DMD: variants seen among roughly 807,000 people sequenced by gnomAD.
DMD encodes dystrophin.
A neutral mutation model predicts 330.1 loss-of-function variants in DMD; 63 were observed. The observed-to-expected ratio is 0.19, with a 90% CI of 0.16 to 0.24. DMD has a LOEUF of 0.24. Among genes scored for constraint, DMD ranks in the 10% least tolerant of loss-of-function variants. The probability of loss-of-function intolerance (pLI) is 1.00; values close to 1 mark genes in which losing one functional copy is unlikely to be tolerated. For synonymous variants in DMD, 1,223 were observed against 959.8 expected (o/e 1.27, Z -5.07); for missense variants, 3,344 against 2,684.1 (o/e 1.25, Z -5.43).
intron 4 of DMD, among the ~76,000 whole-genome samples, chrX:32,842,713 A>G (rs183933469): frequency 4.1e-4 from 45 of 110,809 alleles, no homozygotes; most frequent in African/African-American, 1.4e-3. Flanking sequence ...TAGGATAATG[A>G]CCTCCAGACT....
At chrX:33,064,637 C>T (rs1403637541) in intron 1 of DMD, among the ~76,000 whole-genome samples, 2 of 111,405 alleles carry the variant, frequency 1.8e-5, no homozygotes, top group Admixed American at 1.9e-4. Flanking sequence ...GCCTGTAATC[C>T]CAACACTTTG....
intron 52 of DMD, among the ~76,000 whole-genome samples, chrX:31,714,049 A>T (rs1400598546): frequency 9.0e-6 from 1 of 111,502 alleles, no homozygotes; most frequent in Admixed American, 9.5e-5. Context: ...ACACATTTAT[A>T]AAAAAAAGTC....
chrX:31,246,091 C>T (rs182886774), intron 63 of DMD, among the ~76,000 whole-genome samples: 1 of 112,030 alleles, frequency 8.9e-6, no homozygotes, highest in Non-Finnish European at 1.9e-5. Context: ...TACTACCCTG[C>T]GAGCACACAA....
intron 57 of DMD, among the ~76,000 whole-genome samples, chrX:31,481,322 A>G (rs952036379): frequency 8.9e-6 from 1 of 112,238 alleles, no homozygotes; most frequent in African/African-American, 3.2e-5. Context: ...TCTTCCTGAT[A>G]TAAATACAGA....
rs780018882 is a variant in DMD, at chrX:32,287,681, T to A, written c.6138A>T (p.Gln2046His). 8.3e-7 allele frequency: 1 copy of A among 1,203,952 alleles called. No individual in the cohort carries two copies. Among genetic ancestry groups the A allele is most frequent in the Non-Finnish European group, 1.1e-6 (1 of 890,081 alleles). Reference sequence around the variant, plus strand: ...TAATGTCAATCCGACCTGAGCTTTGTTGTAGACTATCTTTTATATTCTGTA... The same window carrying A: ...TAATGTCAATCCGACCTGAGCTTTGATGTAGACTATCTTTTATATTCTGTA... Reference protein sequence around the residue: ...ESLKNIKDSLQQSSGRIDIIH... With the variant: ...ESLKNIKDSLHQSSGRIDIIH... Residue 2046 changes from glutamine (Q) to histidine (H), a missense_variant, in exon 43 of 79, where the codon CAA (glutamine) becomes CAT (histidine). Physicochemically the swap from Gln to His is conservative, Grantham distance 24. Coordinates refer to ENST00000357033, the MANE Select transcript of DMD (RefSeq NM_004006.3).
intron 73 of DMD, among the ~76,000 whole-genome samples, chrX:31,171,399 TTG>T (rs2039980378): frequency 8.9e-6 from 1 of 112,136 alleles, no homozygotes; most frequent in Non-Finnish European, 1.9e-5. Flanking sequence ...GAGCATGACT[TTG>T]TGTTGCCACA....
intron 1 of DMD, among the ~76,000 whole-genome samples, chrX:33,118,244 G>A (rs936376795): frequency 1.7e-4 from 18 of 106,717 alleles, no homozygotes; most frequent in African/African-American, 5.1e-4. Flanking sequence ...CCGAGTAGCT[G>A]GGACTACAGG....
chrX:33,259,817 C>T (rs2052925467), intron 1 of DMD, among the ~76,000 whole-genome samples: 1 of 109,599 alleles, frequency 9.1e-6, no homozygotes, highest in Admixed American at 9.8e-5. Context: ...CAGTATGTAA[C>T]CCTTTCAAAT....
intron 43 of DMD, among the ~76,000 whole-genome samples, chrX:32,220,558 T>G (rs1011845003): frequency 2.7e-5 from 3 of 111,610 alleles, no homozygotes; most frequent in Non-Finnish European, 5.6e-5. Context: ...AGTCTAAATC[T>G]ATTCTTGAAT....
chrX:31,389,907 G>A (rs2060617194), intron 60 of DMD, among the ~76,000 whole-genome samples: 1 of 112,157 alleles, frequency 8.9e-6, no homozygotes, highest in Admixed American at 9.5e-5. Flanking sequence ...ATAGAGCTCA[G>A]TGGATAAACA....
chrX:32,534,774 T>C (rs1409635479), intron 17 of DMD, among the ~76,000 whole-genome samples: 2 of 110,885 alleles, frequency 1.8e-5, no homozygotes, highest in African/African-American at 3.3e-5. Context: ...AATCAAATTA[T>C]CTTCCAAAGT....
At chrX:33,044,046 T>C (rs1476280347) in intron 1 of DMD, among the ~76,000 whole-genome samples, 1 of 111,288 alleles carries the variant, frequency 9.0e-6, no homozygotes, top group Non-Finnish European at 1.9e-5. Context: ...GGCTGCAGGA[T>C]GGGAAAACAA....
At chrX:33,324,240 C>T (rs749095175) in intron 1 of DMD, among the ~76,000 whole-genome samples, 61 of 110,640 alleles carry the variant, frequency 5.5e-4, no homozygotes, top group African/African-American at 1.9e-3. Flanking sequence ...GAAAAGAACA[C>T]CAGTACAGTG....
intron 1 of DMD, among the ~76,000 whole-genome samples, chrX:33,304,297 G>A (rs868790053): frequency 9.1e-6 from 1 of 110,227 alleles, no homozygotes; most frequent in African/African-American, 3.3e-5. Context: ...ACAAACCTGA[G>A]AAAAACAAGC....
At chrX:31,556,374 A>G (rs1395267271) in intron 55 of DMD, among the ~76,000 whole-genome samples, 1 of 108,780 alleles carries the variant, frequency 9.2e-6, no homozygotes, top group Non-Finnish European at 1.9e-5. Flanking sequence ...ATCAAAAAAA[A>G]AAAAAAAGAA....
chrX:32,081,985 A>G (rs1289419404), intron 44 of DMD, among the ~76,000 whole-genome samples: 1 of 111,520 alleles, frequency 9.0e-6, no homozygotes, highest in Non-Finnish European at 1.9e-5. Context: ...CAAGGGCTGT[A>G]TTATTTCTCT....
At chrX:33,196,308 T>G (rs1007920389) in intron 1 of DMD, among the ~76,000 whole-genome samples, 7 of 111,073 alleles carry the variant, frequency 6.3e-5, no homozygotes, top group African/African-American at 2.3e-4. Flanking sequence ...GAACAGCAGA[T>G]CAGGAGGTGA....
At chrX:32,622,771 G>A (rs184242710) in intron 11 of DMD, among the ~76,000 whole-genome samples, 3 of 111,144 alleles carry the variant, frequency 2.7e-5, no homozygotes, top group South Asian at 3.9e-4. Flanking sequence ...GGTGCCCCCC[G>A]GGGTCTTGAT....
chrX:31,477,026 A>C (rs1465010627), intron 59 of DMD, among the ~76,000 whole-genome samples: 1 of 111,687 alleles, frequency 9.0e-6, no homozygotes. Flanking sequence ...AAGGTCAGAT[A>C]AGAGGGGACA....
Sources: gnomAD v4.1 joint callset for allele counts (sites outside exome capture counted in the v4.1 genomes callset) on GRCh38, gnomAD v4.1.1 for gene constraint, MANE v1.5 for transcripts, NCBI Gene and HGNC (gene_info 2026-07-23, HGNC 2026-07-21) for gene names.